The following LONRF2 variants were observed in gnomAD, a reference collection of about 807,000 sequenced individuals.
The protein encoded by LONRF2 is LON peptidase N-terminal domain and RING finger protein 2.
A neutral mutation model predicts 66.6 loss-of-function variants in LONRF2; 35 were observed. That is an observed-to-expected ratio of 0.53 (90% CI 0.40 to 0.70). The LOEUF is 0.70. Among genes scored for constraint, LONRF2 ranks in the 30% least tolerant of loss-of-function variants. The probability of loss-of-function intolerance (pLI) is 0.00; values close to 1 mark genes in which losing one functional copy is unlikely to be tolerated. For synonymous variants in LONRF2, 417 were observed against 418.1 expected, an observed-to-expected ratio of 1.00 and a Z score of 0.03; for missense variants, 902 against 1,002.1, an observed-to-expected ratio of 0.90 and a Z score of 1.35.
intron 1 of LONRF2, among the ~76,000 whole-genome samples, chr2:100,314,450 A>T (rs1675467044): frequency 6.6e-6 from 1 of 152,166 alleles, no homozygotes; most frequent in East Asian, 1.9e-4. Flanking sequence ...AATGGTGTTA[A>T]GTGAGTACTT....
chr2:100,313,385 C>G (rs1035628540), intron 1 of LONRF2, among the ~76,000 whole-genome samples: 1 of 152,060 alleles, frequency 6.6e-6, no homozygotes, highest in Non-Finnish European at 1.5e-5. Flanking sequence ...ATTCCAGCTA[C>G]TTGGGAGGCT....
chr2:100,284,114 C>T lies in LONRF2; in HGVS notation c.*184G>A, dbSNP rs377542107. 412 of 570,044 alleles carry T rather than the reference C, an allele frequency of 7.2e-4. 2 individuals carry two copies. In the African/African-American group the frequency reaches 7.3e-3, roughly 10 times the overall value. The allele number at this position is 570,044 out of a possible 1,614,324, so 35.3% of individuals were successfully genotyped here. ...ATTCAGACTTCAGGCTAACCTCACA[C>T]AAGGTCAGATCCCACCAGACACAGA... is the stretch of plus-strand genomic sequence containing the variant. On this transcript the variant is annotated 3_prime_UTR_variant, in exon 12 of 12. Transcript: ENST00000393437.
At chr2:100,299,198 G>C (rs530994728) in intron 6 of LONRF2, 28 bp downstream of exon 6, 1 of 1,494,552 alleles carries the variant, frequency 6.7e-7, no homozygotes, top group East Asian at 2.3e-5. Context: ...AGTTTTAAAA[G>C]AGTTGCACGG....
At chr2:100,317,994 G>A (rs1196479125) in intron 1 of LONRF2, among the ~76,000 whole-genome samples, 2 of 152,106 alleles carry the variant, frequency 1.3e-5, no homozygotes, top group African/African-American at 2.4e-5. Flanking sequence ...TTGATTCAGT[G>A]ATTTAAAGTT....
intron 9 of LONRF2, among the ~76,000 whole-genome samples, chr2:100,293,996 A>T (rs961010764): frequency 1.2e-4 from 19 of 152,164 alleles, no homozygotes; most frequent in African/African-American, 4.6e-4. Context: ...TCACAAGAGA[A>T]GGGCAAGTAG....
chr2:100,285,370 A>C (rs2105713215), intron 11 of LONRF2, among the ~76,000 whole-genome samples: 1 of 152,292 alleles, frequency 6.6e-6, no homozygotes, highest in East Asian at 1.9e-4. Context: ...TGGAGAAAAC[A>C]ACCTTTTATA....
At chr2:100,310,711 G>A (rs916860379) in intron 1 of LONRF2, among the ~76,000 whole-genome samples, 4 of 152,190 alleles carry the variant, frequency 2.6e-5, no homozygotes, top group Non-Finnish European at 5.9e-5. Flanking sequence ...TAACTGGCTA[G>A]AGCAGGTGGC....
In LONRF2 at chr2:100,322,444, T is replaced by C. The variant is rs1675661187; in HGVS notation, c.-351A>G. On this transcript the variant is annotated 5_prime_UTR_variant, in exon 1 of 12. Transcript: ENST00000393437. ...CGCTGCGGTAACGCAGTGACCGCGC[T>C]CCAGGTCCGCGTCTCTTGCGATGCT... The C allele has an allele frequency of 5.3e-6, 1 of 189,268 alleles. No individual in the cohort carries two copies. Among genetic ancestry groups the C allele is most frequent in the Non-Finnish European group, 1.1e-5 (1 of 92,506 alleles). 11.7% of individuals were successfully genotyped at this position (189,268 alleles called of 1,614,324 possible).
intron 1 of LONRF2, among the ~76,000 whole-genome samples, chr2:100,309,699 G>A (rs1675371367): frequency 6.6e-6 from 1 of 151,774 alleles, no homozygotes; most frequent in South Asian, 2.1e-4. Context: ...CAGACATCGA[G>A]TCTCGCTCTG....
intron 8 of LONRF2, 27 bp from the exon 9 acceptor site, chr2:100,294,414 C>T: frequency 6.5e-7 from 1 of 1,532,462 alleles, no homozygotes; most frequent in Non-Finnish European, 8.7e-7. Context: ...CATGTTATCT[C>T]AGATGTATGA....
At chr2:100,287,254 A>G (rs1354899849) in intron 10 of LONRF2, among the ~76,000 whole-genome samples, 191 bp from the exon 11 acceptor site, 1 of 152,348 alleles carries the variant, frequency 6.6e-6, no homozygotes, top group Non-Finnish European at 1.5e-5. Flanking sequence ...TATCAATTGT[A>G]TCCTGATTTT....
chr2:100,306,928 T>C (rs1322986641), intron 2 of LONRF2, among the ~76,000 whole-genome samples: 1 of 149,462 alleles, frequency 6.7e-6, no homozygotes, highest in Admixed American at 6.7e-5. Context: ...TCTCGCTCTT[T>C]TTTTTTTTTT....
At chr2:100,304,625 G>GTTT (rs3039612) in intron 2 of LONRF2, among the ~76,000 whole-genome samples, 6,794 of 121,874 alleles carry the variant, frequency 0.056, 925 homozygotes, top group African/African-American at 0.2. Flanking sequence ...TTAGTTGACT[G>GTTT]TTTTTTTTTT....
In LONRF2 at chr2:100,303,301, TCTAAGGGACGTG is replaced by T. The variant is rs1157308173; in HGVS notation, c.799-270_799-259del. 3.3e-5 allele frequency among the ~76,000 whole-genome samples: 5 copies of T among 152,278 alleles called. No individual in the cohort carries two copies. In the East Asian group the frequency reaches 5.8e-4, roughly 18 times the overall value. On this transcript the variant is annotated intron_variant, in intron 2 of 11. Coordinates refer to ENST00000393437, the MANE Select transcript of LONRF2 (RefSeq NM_198461.4). ...CCTGAAATGTTCTGCTCAAAGGAGT[TCTAAGGGACGTG>T]CTAAGAGAAAACTGGCTATCCACTT...
chr2:100,286,837 A>G (rs1216925158), intron 11 of LONRF2, 77 bp downstream of exon 11: 1 of 1,507,736 alleles, frequency 6.6e-7, no homozygotes, highest in Admixed American at 2.0e-5. Flanking sequence ...CATACTGCCA[A>G]GCTCTCCACC....
chr2:100,297,931 A>AT (rs1380284666), intron 7 of LONRF2, among the ~76,000 whole-genome samples: 2 of 152,234 alleles, frequency 1.3e-5, no homozygotes, highest in African/African-American at 4.8e-5. Context: ...TAAGTATAAT[A>AT]TCTCATCTTA....
rs907944539 is a variant in LONRF2, at chr2:100,277,950, G to C, written c.*6348C>G. 1 of 152,124 alleles carries C rather than the reference G, an allele frequency of 6.6e-6. No individual in the cohort carries two copies. Among genetic ancestry groups the C allele is most frequent in the African/African-American group, 2.4e-5 (1 of 41,418 alleles). The allele number at this position is 152,124 out of a possible 1,614,324, so 9.4% of individuals were successfully genotyped here. ...CTCCTTCATCTCTTCAGAGTGGCAGGCATCACTGGAAGTCACTGAGACACA... is the reference window on the plus strand; with the variant it reads ...CTCCTTCATCTCTTCAGAGTGGCAGCCATCACTGGAAGTCACTGAGACACA... On this transcript the variant is annotated 3_prime_UTR_variant, in exon 12 of 12. Coordinates refer to ENST00000393437, the MANE Select transcript of LONRF2 (RefSeq NM_198461.4).
chr2:100,294,151 C>A (rs1675015909), intron 9 of LONRF2, 78 bp downstream of exon 9: 44 of 1,550,964 alleles, frequency 2.8e-5, no homozygotes. Flanking sequence ...CAAGCATCAG[C>A]CTAAATCATT....
intron 2 of LONRF2, among the ~76,000 whole-genome samples, chr2:100,304,516 A>G (rs977972397): frequency 2.0e-5 from 3 of 152,010 alleles, no homozygotes; most frequent in Non-Finnish European, 4.4e-5. Context: ...TTGTCCTTCA[A>G]TTCTTTGCAT....
Sources: gnomAD v4.1 joint callset for allele counts (sites outside exome capture counted in the v4.1 genomes callset) on GRCh38, gnomAD v4.1.1 for gene constraint, MANE v1.5 for transcripts, NCBI Gene and HGNC (gene_info 2026-07-23, HGNC 2026-07-21) for gene names.